The following KIF6 variants were observed in gnomAD, a reference collection of about 807,000 sequenced individuals.
KIF6 encodes kinesin family member 6.
A neutral mutation model predicts 112.7 loss-of-function variants in KIF6; 106 were observed. That is an observed-to-expected ratio of 0.94 (90% CI 0.80 to 1.11). The LOEUF is 1.11. Among genes scored for constraint, KIF6 ranks in the 50% least tolerant of loss-of-function variants. The pLI, the probability that KIF6 is intolerant of heterozygous loss-of-function variation, is 0.00. For missense variants in KIF6, 929 were observed against 964.0 expected (o/e 0.96, Z 0.48); for synonymous variants, 339 against 339.9 (o/e 1.00, Z 0.03).
At chr6:39,671,237 G>A (rs1177217866) in intron 3 of KIF6, among the ~76,000 whole-genome samples, 2 of 152,182 alleles carry the variant, frequency 1.3e-5, no homozygotes, top group Non-Finnish European at 2.9e-5. Flanking sequence ...CTTTAAGCAG[G>A]ATGTGAAAGG....
At chr6:39,356,350 C>T (rs1764688794) in intron 19 of KIF6, among the ~76,000 whole-genome samples, 1 of 152,126 alleles carries the variant, frequency 6.6e-6, no homozygotes, top group Admixed American at 6.5e-5. Flanking sequence ...ACTACAACCT[C>T]TGCCTCCTGG....
intron 13 of KIF6, among the ~76,000 whole-genome samples, chr6:39,468,161 C>T (rs1052604876): frequency 4.6e-5 from 7 of 151,218 alleles, no homozygotes; most frequent in African/African-American, 1.7e-4. Context: ...AGATTACATA[C>T]TCTGAAGAGC....
chr6:39,630,368 G>A (rs1784295172), intron 5 of KIF6, among the ~76,000 whole-genome samples: 1 of 152,012 alleles, frequency 6.6e-6, no homozygotes, highest in East Asian at 1.9e-4. Context: ...TATTTGATCA[G>A]CTTTGCAGTT....
intron 13 of KIF6, among the ~76,000 whole-genome samples, chr6:39,503,201 A>C (rs1776232086): frequency 2.0e-5 from 3 of 152,226 alleles, no homozygotes; most frequent in Non-Finnish European, 4.4e-5. Flanking sequence ...TCCAAATCAC[A>C]CAACTACATG....
chr6:39,622,274 C>A (rs539443477), intron 5 of KIF6, among the ~76,000 whole-genome samples: 4 of 151,328 alleles, frequency 2.6e-5, no homozygotes, highest in African/African-American at 9.7e-5. Context: ...AATGTATGAG[C>A]TCTTTATATA....
chr6:39,725,353 C>T lies in KIF6; in HGVS notation c.-43G>A. Reference sequence around the variant, plus strand: ...AATGACCCTTGACCTCTCTCAGGCCCGGGCTGCCAAAACTAACTCCCACCA... The same window carrying T: ...AATGACCCTTGACCTCTCTCAGGCCTGGGCTGCCAAAACTAACTCCCACCA... On this transcript the variant is annotated 5_prime_UTR_variant, in exon 1 of 23. Transcript: ENST00000287152. 1.3e-6 allele frequency: 2 copies of T among 1,560,908 alleles called. No homozygotes were observed. Among genetic ancestry groups the T allele is most frequent in the East Asian group, 2.4e-5 (1 of 41,636 alleles).
chr6:39,473,150 T>C (rs970264102), intron 13 of KIF6, among the ~76,000 whole-genome samples: 1 of 152,002 alleles, frequency 6.6e-6, no homozygotes, highest in East Asian at 1.9e-4. Context: ...CCTCCCAAAG[T>C]GCTGGGATTA....
At chr6:39,535,818 G>A (rs1163504450) in intron 13 of KIF6, among the ~76,000 whole-genome samples, 24 of 152,100 alleles carry the variant, frequency 1.6e-4, no homozygotes, top group South Asian at 6.2e-4. Context: ...TGGAAGTAAA[G>A]CTCTCCTCAG....
chr6:39,621,466 T>C (rs1783816594), intron 5 of KIF6, among the ~76,000 whole-genome samples: 1 of 152,176 alleles, frequency 6.6e-6, no homozygotes. Flanking sequence ...CTTTGGCATC[T>C]TAGGAACTCT....
At chr6:39,484,316 C>G (rs914703401) in intron 13 of KIF6, among the ~76,000 whole-genome samples, 1 of 152,100 alleles carries the variant, frequency 6.6e-6, no homozygotes, top group Non-Finnish European at 1.5e-5. Flanking sequence ...AGAGAGGAGG[C>G]TAATAATGAT....
At chr6:39,548,037 A>G (rs1184790919) in intron 10 of KIF6, among the ~76,000 whole-genome samples, 3 of 152,198 alleles carry the variant, frequency 2.0e-5, no homozygotes, top group African/African-American at 7.2e-5. Flanking sequence ...TAGAATATAC[A>G]CTCGTTTTCT....
chr6:39,417,644 C>A (rs533537999), intron 15 of KIF6, among the ~76,000 whole-genome samples: 1 of 152,156 alleles, frequency 6.6e-6, no homozygotes, highest in African/African-American at 2.4e-5. Context: ...AGCCCCCAAC[C>A]TGCCTAATCT....
At chr6:39,603,540 T>G (rs1209767370) in intron 6 of KIF6, among the ~76,000 whole-genome samples, 2 of 151,014 alleles carry the variant, frequency 1.3e-5, no homozygotes. Context: ...TTTTTTTTTG[T>G]GGGGGGTGTG....
intron 13 of KIF6, among the ~76,000 whole-genome samples, chr6:39,450,846 A>G (rs1772653860): frequency 1.3e-5 from 2 of 152,138 alleles, no homozygotes; most frequent in African/African-American, 4.8e-5. Flanking sequence ...ATCACTCACA[A>G]TCTCTCTACT....
In KIF6 at chr6:39,473,344, G is replaced by A. The variant is rs1006139937; in HGVS notation, c.1646-42183C>T. On this transcript the variant is annotated intron_variant, in intron 13 of 22. Coordinates refer to ENST00000287152, the MANE Select transcript of KIF6 (RefSeq NM_145027.6). Reference sequence around the variant, plus strand: ...TTTGCTAACTTTTCTGAACATGTGCGACAAAACCTTTTAAGAGCTCTGAGG... The same window carrying A: ...TTTGCTAACTTTTCTGAACATGTGCAACAAAACCTTTTAAGAGCTCTGAGG... Among the ~76,000 whole-genome samples the A allele has an allele frequency of 5.3e-5, 8 of 152,134 alleles. No individual in the cohort carries two copies. In the South Asian group the frequency reaches 6.2e-4, roughly 12 times the overall value.
At chr6:39,649,846 C>T (rs1413801200) in intron 3 of KIF6, among the ~76,000 whole-genome samples, 1 of 152,236 alleles carries the variant, frequency 6.6e-6, no homozygotes, top group Non-Finnish European at 1.5e-5. Context: ...ACACCATTAA[C>T]CACCCAAGAA....
At chr6:39,536,348 A>G (rs1778424160) in intron 13 of KIF6, among the ~76,000 whole-genome samples, 1 of 152,224 alleles carries the variant, frequency 6.6e-6, no homozygotes, top group African/African-American at 2.4e-5. Context: ...AGAGAGAATA[A>G]TCAAATAGAT....
intron 13 of KIF6, among the ~76,000 whole-genome samples, chr6:39,436,386 C>T (rs9380862): frequency 0.33 from 50,494 of 151,366 alleles, 10,367 homozygotes; most frequent in African/African-American, 0.58. Context: ...CACTTATTTA[C>T]TTTTGTTTTT....
intron 13 of KIF6, among the ~76,000 whole-genome samples, chr6:39,532,853 G>C (rs143329256): frequency 6.8e-4 from 104 of 152,262 alleles, no homozygotes; most frequent in Non-Finnish European, 1.2e-3. Flanking sequence ...ATTTGTTCTA[G>C]GACATTCCAT....
Sources: gnomAD v4.1 joint callset for allele counts (sites outside exome capture counted in the v4.1 genomes callset) on GRCh38, gnomAD v4.1.1 for gene constraint, MANE v1.5 for transcripts, NCBI Gene and HGNC (gene_info 2026-07-23, HGNC 2026-07-21) for gene names.